The following AKAP19 variants were observed in gnomAD, a reference collection of about 807,000 sequenced individuals.
The protein encoded by AKAP19 is small A-kinase anchoring protein.
chr2:190,096,303 C>T, the AKAP19 span, among the ~76,000 whole-genome samples: 1 of 152,170 alleles, frequency 6.6e-6, no homozygotes, highest in South Asian at 2.1e-4. Context: ...CATGTTGGTA[C>T]ATTACAAAGT....
the AKAP19 span, among the ~76,000 whole-genome samples, chr2:189,918,446 G>T: frequency 7.9e-5 from 12 of 152,016 alleles, no homozygotes; most frequent in Admixed American, 7.9e-4. Flanking sequence ...AAACACCCTA[G>T]ACTCAATTAT....
the AKAP19 span, among the ~76,000 whole-genome samples, chr2:190,083,806 C>A: frequency 1.3e-5 from 2 of 152,120 alleles, no homozygotes; most frequent in East Asian, 3.9e-4. Flanking sequence ...ACTCCCATGC[C>A]TCTTTGGGCC....
chr2:190,136,209 A>G, the AKAP19 span, among the ~76,000 whole-genome samples: 1 of 152,208 alleles, frequency 6.6e-6, no homozygotes, highest in South Asian at 2.1e-4. Flanking sequence ...CTAAGGAGCT[A>G]AGATTGAATC....
the AKAP19 span, among the ~76,000 whole-genome samples, chr2:190,020,016 C>A: frequency 6.6e-6 from 1 of 152,122 alleles, no homozygotes; most frequent in Admixed American, 6.5e-5. Flanking sequence ...TACGCCACTC[C>A]CCGAACACAT....
chr2:190,141,029 G>A, the AKAP19 span, among the ~76,000 whole-genome samples: 135 of 152,158 alleles, frequency 8.9e-4, no homozygotes, highest in Non-Finnish European at 1.6e-3. Flanking sequence ...CTTTGCTAAA[G>A]CATAGCAAGT....
the AKAP19 span, chr2:189,923,375 A>T: frequency 3.1e-6 from 5 of 1,612,856 alleles, no homozygotes; most frequent in East Asian, 1.1e-4. Flanking sequence ...TCCTCGTTCC[A>T]TGAACTCCCG....
chr2:190,153,889 A>C, the AKAP19 span, among the ~76,000 whole-genome samples: 1 of 152,136 alleles, frequency 6.6e-6, no homozygotes, highest in Non-Finnish European at 1.5e-5. Context: ...CAATGTTATA[A>C]CTTATAGTCT....
the AKAP19 span, among the ~76,000 whole-genome samples, chr2:189,926,821 G>C: frequency 6.6e-6 from 1 of 151,876 alleles, no homozygotes; most frequent in Non-Finnish European, 1.5e-5. Context: ...CTGACCTCAT[G>C]ATGCGCCCGT....
At chr2:190,014,399 C>T in the AKAP19 span, among the ~76,000 whole-genome samples, 1 of 152,082 alleles carries the variant, frequency 6.6e-6, no homozygotes, top group Admixed American at 6.5e-5. Context: ...CTTATAAAAC[C>T]ACCAGATCTC....
At chr2:189,936,285 C>T in the AKAP19 span, among the ~76,000 whole-genome samples, 70 of 150,706 alleles carry the variant, frequency 4.6e-4, 1 homozygote, top group African/African-American at 1.6e-3. Flanking sequence ...CACACACACA[C>T]GGCTATCTCT....
At chr2:190,200,050 C>T in the AKAP19 span, 121 of 1,613,898 alleles carry the variant, frequency 7.5e-5, 1 homozygote, top group Admixed American at 2.2e-4. Flanking sequence ...ATATGCACAC[C>T]GCCTGTCTCA....
the AKAP19 span, among the ~76,000 whole-genome samples, chr2:189,918,445 A>G: frequency 6.6e-6 from 1 of 152,258 alleles, no homozygotes; most frequent in East Asian, 1.9e-4. Context: ...AAAACACCCT[A>G]GACTCAATTA....
At chr2:189,980,423 T>C in the AKAP19 span, among the ~76,000 whole-genome samples, 2 of 152,150 alleles carry the variant, frequency 1.3e-5, no homozygotes, top group African/African-American at 4.8e-5. Context: ...ACTGCAACCT[T>C]CGCCTCCAAG....
the AKAP19 span, among the ~76,000 whole-genome samples, chr2:190,131,159 A>G: frequency 1.3e-5 from 2 of 152,172 alleles, no homozygotes; most frequent in African/African-American, 4.8e-5. Flanking sequence ...GCGATCCTAA[A>G]TATCCCTTGT....
the AKAP19 span, chr2:190,200,520 T>A: frequency 5.5e-6 from 1 of 182,702 alleles, no homozygotes; most frequent in Non-Finnish European, 1.3e-5. Context: ...TTTTGTTTGT[T>A]TATACCCAAA....
chr2:189,973,799 A>G, the AKAP19 span, among the ~76,000 whole-genome samples: 1 of 152,044 alleles, frequency 6.6e-6, no homozygotes, highest in Non-Finnish European at 1.5e-5. Context: ...CTCTGATGGT[A>G]GTTTGTATTT....
chr2:190,180,553 C>A, the AKAP19 span: 4 of 985,838 alleles, frequency 4.1e-6, no homozygotes, highest in African/African-American at 5.2e-5. The surrounding 1 kb of genome is among the most constrained non-coding windows in gnomAD (Gnocchi z 6.8). Context: ...CCCGCTGCGG[C>A]GCCGGCAGCT....
At chr2:189,985,238 C>G in the AKAP19 span, among the ~76,000 whole-genome samples, 1 of 152,176 alleles carries the variant, frequency 6.6e-6, no homozygotes, top group East Asian at 1.9e-4. Flanking sequence ...GTTCTGTTCC[C>G]TCAGTTTTCC....
chr2:189,968,912 TATA>T, the AKAP19 span, among the ~76,000 whole-genome samples: 9 of 152,024 alleles, frequency 5.9e-5, no homozygotes, highest in Admixed American at 2.0e-4. Flanking sequence ...TTTCCTATAG[TATA>T]ATACATATTA....
Sources: gnomAD v4.1 joint callset for allele counts (sites outside exome capture counted in the v4.1 genomes callset) on GRCh38, gnomAD v4.1.1 for gene constraint, Gnocchi (gnomAD v3.1) non-coding constraint, MANE v1.5 for transcripts, NCBI Gene and HGNC (gene_info 2026-07-23, HGNC 2026-07-21) for gene names.